FYN: variants seen among roughly 807,000 people sequenced by gnomAD.
FYN encodes the protein FYN proto-oncogene, Src family tyrosine kinase, also known as tyrosine-protein kinase Fyn.
FYN carries 10 observed loss-of-function variants against 70.2 expected under a neutral mutation model. The ratio of observed to expected loss-of-function variants is 0.14; its 90% CI spans 0.09 to 0.24. The LOEUF is 0.24. Among genes scored for constraint, FYN ranks in the 10% least tolerant of loss-of-function variants. The pLI, the probability that FYN is intolerant of heterozygous loss-of-function variation, is 1.00. For missense variants in FYN, 319 were observed against 673.1 expected, an observed-to-expected ratio of 0.47 and a Z score of 5.82; for synonymous variants, 236 against 248.6, an observed-to-expected ratio of 0.95 and a Z score of 0.48.
intron 3 of FYN, among the ~76,000 whole-genome samples, chr6:111,761,883 T>A (rs1803022873): frequency 6.6e-6 from 1 of 152,330 alleles, no homozygotes. Flanking sequence ...ACAGGCTATC[T>A]GCATCCAATC....
At chr6:111,868,052 C>T (rs1219113864) in intron 1 of FYN, among the ~76,000 whole-genome samples, 3 of 152,034 alleles carry the variant, frequency 2.0e-5, no homozygotes, top group Non-Finnish European at 4.4e-5. Flanking sequence ...CAACACTCAC[C>T]TAGCCATCTC....
chr6:111,733,404 G>GT (rs1475414429), intron 3 of FYN, among the ~76,000 whole-genome samples: 1 of 152,152 alleles, frequency 6.6e-6, no homozygotes, highest in Non-Finnish European at 1.5e-5. Flanking sequence ...ACACCATGCT[G>GT]TTTTTTGAGA....
intron 12 of FYN, among the ~76,000 whole-genome samples, chr6:111,693,786 G>A (rs573902387): frequency 2.0e-5 from 3 of 152,204 alleles, no homozygotes; most frequent in South Asian, 2.1e-4. Flanking sequence ...TTCTGGTTGG[G>A]TCTGGCAGAA....
intron 2 of FYN, among the ~76,000 whole-genome samples, chr6:111,837,116 C>A (rs990770029): frequency 6.6e-6 from 1 of 152,192 alleles, no homozygotes; most frequent in Non-Finnish European, 1.5e-5. Flanking sequence ...CACCTCACTG[C>A]GGTCACCATA....
At chr6:111,675,568 C>T (rs577603144) in intron 12 of FYN, among the ~76,000 whole-genome samples, 6 of 151,984 alleles carry the variant, frequency 3.9e-5, no homozygotes, top group African/African-American at 9.7e-5. Context: ...CAGAGGCGGG[C>T]GGTCATTTGA....
intron 8 of FYN, 68 bp from the exon 9 acceptor site, chr6:111,700,336 A>T (rs1562479029): frequency 6.0e-5 from 93 of 1,538,498 alleles, no homozygotes; most frequent in Non-Finnish European, 7.5e-5. Context: ...AACACTCATA[A>T]GTGTAAACCC....
intron 12 of FYN, among the ~76,000 whole-genome samples, chr6:111,680,494 C>T (rs554092392): frequency 1.3e-5 from 2 of 152,194 alleles, no homozygotes; most frequent in Non-Finnish European, 2.9e-5. Context: ...AGCAGAAGTG[C>T]GATGACTTCC....
intron 12 of FYN, among the ~76,000 whole-genome samples, chr6:111,693,505 A>T (rs1171772578): frequency 6.6e-6 from 1 of 152,162 alleles, no homozygotes; most frequent in Non-Finnish European, 1.5e-5. Context: ...GAAGAAGGAA[A>T]ATATTCCTAA....
intron 3 of FYN, among the ~76,000 whole-genome samples, chr6:111,762,325 T>TG: frequency 6.6e-6 from 1 of 152,180 alleles, no homozygotes; most frequent in Non-Finnish European, 1.5e-5. Context: ...TCTATTTTAT[T>TG]GTAAACGATA....
At chr6:111,857,821 C>T (rs1773862659) in intron 1 of FYN, among the ~76,000 whole-genome samples, 1 of 152,098 alleles carries the variant, frequency 6.6e-6, no homozygotes, top group South Asian at 2.1e-4. Context: ...CTTTCGTTCT[C>T]CTTCTTCTCC....
At chr6:111,797,004 T>C (rs1280989156) in intron 2 of FYN, among the ~76,000 whole-genome samples, 2 of 152,238 alleles carry the variant, frequency 1.3e-5, no homozygotes, top group Non-Finnish European at 1.5e-5. Flanking sequence ...GTGCTTGGCA[T>C]AGTGCATAGT....
chr6:111,857,034 CTG>C (rs1317484994), intron 1 of FYN, among the ~76,000 whole-genome samples: 2 of 152,176 alleles, frequency 1.3e-5, no homozygotes, highest in African/African-American at 2.4e-5. Context: ...AAAGAGCTAA[CTG>C]TTTTTTTCTC....
At chr6:111,700,425 C>T (rs183060069) in intron 8 of FYN, among the ~76,000 whole-genome samples, 157 bp from the exon 9 acceptor site, 19 of 152,300 alleles carry the variant, frequency 1.2e-4, no homozygotes, top group African/African-American at 4.3e-4. Context: ...ACACTAGCAG[C>T]ACACAGCGCT....
intron 3 of FYN, among the ~76,000 whole-genome samples, chr6:111,771,925 T>C (rs1803468035): frequency 1.3e-5 from 2 of 149,504 alleles, no homozygotes; most frequent in South Asian, 4.3e-4. Context: ...GCAAGAACTG[T>C]AGTAGTGGGG....
chr6:111,755,307 A>T (rs908861968), intron 3 of FYN, among the ~76,000 whole-genome samples: 3 of 152,228 alleles, frequency 2.0e-5, no homozygotes, highest in Non-Finnish European at 4.4e-5. Context: ...AAATAAAAAA[A>T]ACCAGTATTT....
At chr6:111,705,378 C>T (rs1800027059) in intron 6 of FYN, among the ~76,000 whole-genome samples, 1 of 148,186 alleles carries the variant, frequency 6.7e-6, no homozygotes, top group Non-Finnish European at 1.5e-5. Context: ...TCATCATCTT[C>T]TTCTTCTTTT....
intron 12 of FYN, among the ~76,000 whole-genome samples, chr6:111,686,694 CA>C (rs1173808356): frequency 6.6e-6 from 1 of 151,924 alleles, no homozygotes; most frequent in Non-Finnish European, 1.5e-5. Flanking sequence ...CTGTTCAGGT[CA>C]CAGCACACTG....
chr6:111,664,475 T>C (rs1041011512), intron 13 of FYN, among the ~76,000 whole-genome samples: 2 of 151,524 alleles, frequency 1.3e-5, no homozygotes, highest in African/African-American at 4.9e-5. Context: ...AGATTTCACT[T>C]AAAAAAAAAG....
At chr6:111,668,502 GAA>G (rs140235658) in intron 13 of FYN, among the ~76,000 whole-genome samples, 23 of 126,408 alleles carry the variant, frequency 1.8e-4, no homozygotes, top group South Asian at 2.6e-4. Flanking sequence ...CTTTGTCCCA[GAA>G]AAAAAAAAAA....
Sources: allele counts gnomAD v4.1 joint callset (sites outside exome capture counted in the v4.1 genomes callset), GRCh38; gene constraint gnomAD v4.1.1; transcripts MANE v1.5; gene names NCBI Gene and HGNC (gene_info 2026-07-23, HGNC 2026-07-21).